IGF1R: variants seen among roughly 807,000 people sequenced by gnomAD.
IGF1R encodes the protein insulin-like growth factor 1 receptor.
IGF1R carries 44 observed loss-of-function variants against 144.6 expected under a neutral mutation model. The ratio of observed to expected loss-of-function variants is 0.30; its 90% CI spans 0.24 to 0.39. The LOEUF (loss-of-function observed/expected upper bound fraction) is 0.39, where lower values mean the gene tolerates loss of function less well. Ranked by LOEUF, IGF1R falls within the 10% of genes least tolerant of loss-of-function variation. The probability of loss-of-function intolerance (pLI) is 1.00; values close to 1 mark genes in which losing one functional copy is unlikely to be tolerated. For synonymous variants in IGF1R, 795 were observed against 722.8 expected, an observed-to-expected ratio of 1.10 and a Z score of -1.60; for missense variants, 1,355 against 1,833.7, an observed-to-expected ratio of 0.74 and a Z score of 4.77.
At position 98,957,502 on chromosome 15, in the gene IGF1R, G is replaced by T; in HGVS notation, c.*60G>T. On this transcript the variant is annotated 3_prime_UTR_variant, in exon 21 of 21. Transcript: ENST00000650285. ...GTGCGCACGCGCAGCGGGGTGGGGGGGGAGAGAGAGTTTTAACAATCCATT... is the reference window on the plus strand; with the variant it reads ...GTGCGCACGCGCAGCGGGGTGGGGGTGGAGAGAGAGTTTTAACAATCCATT... 6 of 1,605,830 alleles carry T rather than the reference G, an allele frequency of 3.7e-6. No homozygotes were observed. Among genetic ancestry groups the T allele is most frequent in the African/African-American group, 2.7e-5 (2 of 74,902 alleles).
chr15:98,692,066 T>C (rs1400090565), intron 1 of IGF1R, among the ~76,000 whole-genome samples: 2 of 152,084 alleles, frequency 1.3e-5, no homozygotes, highest in Admixed American at 6.5e-5. Flanking sequence ...GGGCACAGAG[T>C]GGCTCATGCC....
chr15:98,897,827 T>G (rs1176728897), intron 4 of IGF1R, among the ~76,000 whole-genome samples: 1 of 152,198 alleles, frequency 6.6e-6, no homozygotes, highest in Admixed American at 6.5e-5. Flanking sequence ...TGGGACCACT[T>G]GGTCAAGGTA....
At chr15:98,715,655 A>T (rs192731336) in intron 2 of IGF1R, among the ~76,000 whole-genome samples, 128 of 152,240 alleles carry the variant, frequency 8.4e-4, no homozygotes, top group African/African-American at 2.9e-3. Flanking sequence ...ACTTGCGTGT[A>T]TAGGGTGGTT....
At chr15:98,865,618 T>A (rs1157080692) in intron 2 of IGF1R, among the ~76,000 whole-genome samples, 1 of 151,810 alleles carries the variant, frequency 6.6e-6, no homozygotes, top group East Asian at 1.9e-4. Flanking sequence ...CTCCTTGGGG[T>A]TTTTTTCTCT....
At chr15:98,688,258 C>A (rs950674332) in intron 1 of IGF1R, among the ~76,000 whole-genome samples, 5 of 151,502 alleles carry the variant, frequency 3.3e-5, no homozygotes, top group Admixed American at 1.3e-4. Context: ...CCCACCACCC[C>A]CTTCTCTCCT....
chr15:98,857,252 C>A (rs1448420357), intron 2 of IGF1R, among the ~76,000 whole-genome samples: 1 of 152,042 alleles, frequency 6.6e-6, no homozygotes, highest in Non-Finnish European at 1.5e-5. Flanking sequence ...AGAGTCTCAC[C>A]CTTTCGCCCA....
chr15:98,787,126 G>C (rs2056017411), intron 2 of IGF1R, among the ~76,000 whole-genome samples: 1 of 152,170 alleles, frequency 6.6e-6, no homozygotes, highest in Non-Finnish European at 1.5e-5. Flanking sequence ...CAAGGGAGTT[G>C]AGTAGAGCTT....
intron 2 of IGF1R, among the ~76,000 whole-genome samples, chr15:98,821,593 G>T (rs773263053): frequency 2.0e-5 from 3 of 152,204 alleles, no homozygotes; most frequent in African/African-American, 7.2e-5. Flanking sequence ...TAAAATGCAT[G>T]TTTCGAGATC....
At chr15:98,946,052 G>A (rs754260352) in intron 19 of IGF1R, among the ~76,000 whole-genome samples, 2 of 151,972 alleles carry the variant, frequency 1.3e-5, no homozygotes, top group South Asian at 2.1e-4. Context: ...CGTCGTCGTC[G>A]TCCTGGTCCT....
In IGF1R at chr15:98,964,434, G is replaced by C. The variant is rs2017348523; in HGVS notation, c.*6992G>C. The C allele has an allele frequency of 4.4e-6, 1 of 228,066 alleles. No individual in the cohort carries two copies. The highest frequency in any genetic ancestry group is 8.7e-6 in the Non-Finnish European group (1 of 114,726). The allele number at this position is 228,066 out of a possible 1,614,324, so 14.1% of individuals were successfully genotyped here. A position where few individuals can be genotyped will look rare whatever the true frequency, so the allele number is the denominator to read the frequency against. On this transcript the variant is annotated 3_prime_UTR_variant, in exon 21 of 21. Coordinates refer to ENST00000650285, the MANE Select transcript of IGF1R (RefSeq NM_000875.5). The stretch of plus-strand genomic sequence containing the variant: ...ATGGAAAAAAGAAACTGTCTATTTT[G>C]AATGGCTGAAGCTAAGGCAACGTTA...
chr15:98,902,929 T>A (rs892077159), intron 5 of IGF1R, among the ~76,000 whole-genome samples: 3 of 152,098 alleles, frequency 2.0e-5, no homozygotes, highest in Non-Finnish European at 4.4e-5. Context: ...ATTCAAGCAT[T>A]TTACATAGAG....
At chr15:98,781,423 C>G (rs1435371612) in intron 2 of IGF1R, among the ~76,000 whole-genome samples, 2 of 152,174 alleles carry the variant, frequency 1.3e-5, no homozygotes, top group Non-Finnish European at 2.9e-5. Context: ...TGTCGCACAT[C>G]AGATCGTATT....
At chr15:98,899,844 G>C (rs2014390395) in intron 5 of IGF1R, among the ~76,000 whole-genome samples, 1 of 152,148 alleles carries the variant, frequency 6.6e-6, no homozygotes, top group Admixed American at 6.5e-5. Context: ...ACCCTTACTG[G>C]ATTTTGCCTC....
At chr15:98,650,924 T>TC (rs1567057373) in intron 1 of IGF1R, 3 of 984,816 alleles carry the variant, frequency 3.0e-6, no homozygotes, top group African/African-American at 1.7e-5. Context: ...GAGCGAGAAC[T>TC]CCCCCCGGTG....
intron 10 of IGF1R, among the ~76,000 whole-genome samples, chr15:98,921,110 A>G (rs1039533808): frequency 1.3e-5 from 2 of 152,070 alleles, no homozygotes; most frequent in African/African-American, 4.8e-5. Flanking sequence ...CCTTTTGCCT[A>G]TTCCTAAGAC....
intron 2 of IGF1R, among the ~76,000 whole-genome samples, chr15:98,726,151 G>A (rs2054355200): frequency 6.6e-6 from 1 of 152,196 alleles, no homozygotes; most frequent in East Asian, 1.9e-4. Flanking sequence ...GGGTGGATAT[G>A]GATATTACTG....
chr15:98,767,971 C>T (rs1325196776), intron 2 of IGF1R, among the ~76,000 whole-genome samples: 1 of 152,140 alleles, frequency 6.6e-6, no homozygotes, highest in Non-Finnish European at 1.5e-5. Flanking sequence ...CCCAGGGTTC[C>T]TCAGTCTGCA....
intron 2 of IGF1R, among the ~76,000 whole-genome samples, chr15:98,766,412 T>C (rs1359856118): frequency 6.6e-6 from 1 of 152,228 alleles, no homozygotes; most frequent in Non-Finnish European, 1.5e-5. Flanking sequence ...ATTTATACTT[T>C]AAAGTAGGTA....
At chr15:98,653,392 T>C (rs1333535296) in intron 1 of IGF1R, among the ~76,000 whole-genome samples, 4 of 152,268 alleles carry the variant, frequency 2.6e-5, no homozygotes, top group Non-Finnish European at 5.9e-5. Context: ...CACTCATTTT[T>C]TGATATGCCA....
Sources: gnomAD v4.1 joint callset for allele counts (sites outside exome capture counted in the v4.1 genomes callset) on GRCh38, gnomAD v4.1.1 for gene constraint, MANE v1.5 for transcripts, NCBI Gene and HGNC (gene_info 2026-07-23, HGNC 2026-07-21) for gene names.